The following PDE4B variants were observed in gnomAD, a reference collection of about 807,000 sequenced individuals.
The protein encoded by PDE4B is phosphodiesterase 4B.
PDE4B carries 20 observed loss-of-function variants against 82.2 expected under a neutral mutation model. The ratio of observed to expected loss-of-function variants is 0.24; its 90% CI spans 0.17 to 0.35. The LOEUF is 0.35. PDE4B is among the 10% of genes least tolerant of loss of function. The probability of loss-of-function intolerance (pLI) is 1.00; values close to 1 mark genes in which losing one functional copy is unlikely to be tolerated. For missense variants in PDE4B, 655 were observed against 907.2 expected, an observed-to-expected ratio of 0.72 and a Z score of 3.57; for synonymous variants, 320 against 318.9, an observed-to-expected ratio of 1.00 and a Z score of -0.04.
At chr1:65,971,157 C>T (rs549055696) in intron 3 of PDE4B, among the ~76,000 whole-genome samples, 1 of 151,598 alleles carries the variant, frequency 6.6e-6, no homozygotes, top group African/African-American at 2.4e-5. Flanking sequence ...GACAGTGAAG[C>T]CTGGAGGCAC....
At chr1:65,825,957 A>C (rs572316237) in intron 1 of PDE4B, among the ~76,000 whole-genome samples, 7 of 152,094 alleles carry the variant, frequency 4.6e-5, no homozygotes, top group Admixed American at 2.0e-4. Context: ...AATCTGACTC[A>C]TATTTAAATT....
intron 3 of PDE4B, among the ~76,000 whole-genome samples, chr1:66,236,017 G>A (rs1652406365): frequency 6.6e-6 from 1 of 152,178 alleles, no homozygotes; most frequent in Non-Finnish European, 1.5e-5. Context: ...ATAAGTATAA[G>A]CCTAAGTTAA....
chr1:65,831,228 A>G (rs185094250), intron 1 of PDE4B, among the ~76,000 whole-genome samples: 3 of 152,262 alleles, frequency 2.0e-5, no homozygotes, highest in African/African-American at 7.2e-5. Context: ...CATAAATTCA[A>G]TAGACAAAAT....
At chr1:66,316,896 G>C (rs775745591) in intron 7 of PDE4B, among the ~76,000 whole-genome samples, 1 of 152,168 alleles carries the variant, frequency 6.6e-6, no homozygotes, top group African/African-American at 2.4e-5. Context: ...GTTAAGTGAC[G>C]TAGTTTACAA....
chr1:66,363,461 A>T lies in PDE4B; in HGVS notation c.1174A>T (p.Met392Leu). 1 of 1,613,456 alleles carries T rather than the reference A, an allele frequency of 6.2e-7. No individual in the cohort carries two copies. Residue 392 changes from methionine (M) to leucine (L), a missense_variant, in exon 12 of 17, where the codon ATG (methionine) becomes TTG (leucine). Physicochemically the swap from Met to Leu is conservative, Grantham distance 15. Transcript: ENST00000341517. ...CTCATCTGACACATTTATAACCTAC[A>T]TGATGACTTTAGAAGACCATTACCA... ...RISSDTFITY[M>L]MTLEDHYHSD... is the part of the protein sequence containing the mutation.
chr1:66,075,084 G>A (rs1035596732), intron 3 of PDE4B, among the ~76,000 whole-genome samples: 1 of 152,052 alleles, frequency 6.6e-6, no homozygotes, highest in African/African-American at 2.4e-5. Context: ...GTTGTTTCTT[G>A]TAGAGGAGGG....
At chr1:66,129,727 A>AAAGACAT (rs1231296438) in intron 3 of PDE4B, among the ~76,000 whole-genome samples, 2 of 152,000 alleles carry the variant, frequency 1.3e-5, no homozygotes, top group African/African-American at 4.8e-5. Flanking sequence ...TAAAATGGGG[A>AAAGACAT]AAGACATATC....
At chr1:65,934,790 T>C (rs796372602) in intron 3 of PDE4B, among the ~76,000 whole-genome samples, 9 of 152,184 alleles carry the variant, frequency 5.9e-5, no homozygotes, top group African/African-American at 2.2e-4. Flanking sequence ...GAACATTATA[T>C]AATAATGAAA....
chr1:66,209,024 G>A (rs1268107911), intron 3 of PDE4B, among the ~76,000 whole-genome samples: 2 of 152,172 alleles, frequency 1.3e-5, no homozygotes, highest in African/African-American at 4.8e-5. Flanking sequence ...ACTCCTTCAT[G>A]AGAGCTGTGA....
chr1:66,368,178 CTATAGCTTAGGGCT>C (rs1663390208), intron 15 of PDE4B, 113 bp downstream of exon 15: 1 of 1,047,470 alleles, frequency 9.5e-7, no homozygotes, highest in Non-Finnish European at 1.4e-6. Context: ...TAGGCTACTC[CTATAGCTTAGGGCT>C]TATTTTAAGA....
chr1:65,872,841 A>G (rs570757443), intron 1 of PDE4B, among the ~76,000 whole-genome samples: 20 of 152,312 alleles, frequency 1.3e-4, no homozygotes, highest in African/African-American at 4.1e-4. Context: ...GATATTCACA[A>G]CTTCCATGTG....
intron 1 of PDE4B, among the ~76,000 whole-genome samples, chr1:65,809,830 G>A (rs889771275): frequency 3.9e-5 from 6 of 152,210 alleles, no homozygotes; most frequent in Admixed American, 3.3e-4. Flanking sequence ...TTCAGAGATG[G>A]TCATAAAAGC....
At chr1:66,059,374 AT>A (rs1314741391) in intron 3 of PDE4B, among the ~76,000 whole-genome samples, 1 of 152,198 alleles carries the variant, frequency 6.6e-6, no homozygotes, top group East Asian at 1.9e-4. Context: ...TCGCTTCCAC[AT>A]TTTCAGGTAT....
chr1:65,856,817 G>A (rs757556701), intron 1 of PDE4B, among the ~76,000 whole-genome samples: 2 of 152,150 alleles, frequency 1.3e-5, no homozygotes, highest in African/African-American at 2.4e-5. Context: ...AAAGCATTGA[G>A]ATAGAGATTC....
At chr1:65,864,281 T>C (rs1477969602) in intron 1 of PDE4B, among the ~76,000 whole-genome samples, 2 of 152,070 alleles carry the variant, frequency 1.3e-5, no homozygotes, top group Non-Finnish European at 2.9e-5. Flanking sequence ...TCAAAGTTCA[T>C]AGCTTCCTTG....
At chr1:65,884,355 G>A (rs1159938028) in intron 1 of PDE4B, among the ~76,000 whole-genome samples, 1 of 152,100 alleles carries the variant, frequency 6.6e-6, no homozygotes, top group Non-Finnish European at 1.5e-5. Context: ...GGTCTATTCA[G>A]GGATTCAAGT....
intron 3 of PDE4B, among the ~76,000 whole-genome samples, chr1:66,128,195 A>T (rs1039976723): frequency 6.6e-6 from 1 of 152,198 alleles, no homozygotes; most frequent in African/African-American, 2.4e-5. Flanking sequence ...AAACAAATGC[A>T]TTCCATTTTT....
chr1:65,923,541 G>C (rs1245190928), intron 3 of PDE4B, among the ~76,000 whole-genome samples: 2 of 151,896 alleles, frequency 1.3e-5, no homozygotes, highest in Non-Finnish European at 2.9e-5. Flanking sequence ...CCAATGTTTT[G>C]GTTTTAATTC....
At chr1:66,063,893 A>G (rs1655709782) in intron 3 of PDE4B, among the ~76,000 whole-genome samples, 1 of 152,024 alleles carries the variant, frequency 6.6e-6, no homozygotes, top group African/African-American at 2.4e-5. Flanking sequence ...TCCATAAAGA[A>G]CATCCAGTAT....
Sources: gnomAD v4.1 joint callset for allele counts (sites outside exome capture counted in the v4.1 genomes callset) on GRCh38, gnomAD v4.1.1 for gene constraint, MANE v1.5 for transcripts, NCBI Gene and HGNC (gene_info 2026-07-23, HGNC 2026-07-21) for gene names.